The following NISCH variants were observed in gnomAD, a reference collection of about 807,000 sequenced individuals.
The protein encoded by NISCH is nischarin, also known as I-1 receptor candidate protein.
In NISCH, 55 loss-of-function variants were observed where a neutral mutation model predicts 138.4. That is an observed-to-expected ratio of 0.40 (90% confidence interval 0.32 to 0.50). The LOEUF (loss-of-function observed/expected upper bound fraction) is 0.50, where lower values mean the gene tolerates loss of function less well. Ranked by LOEUF, NISCH falls within the 20% of genes least tolerant of loss-of-function variation. The pLI, the probability that NISCH is intolerant of heterozygous loss-of-function variation, is 0.71. For synonymous variants in NISCH, 860 were observed against 861.5 expected (o/e 1.00, Z 0.03); for missense variants, 1,643 against 2,005.5 (o/e 0.82, Z 3.45).
chr3:52,484,560 A>G lies in NISCH; in HGVS notation c.1576A>G (p.Thr526Ala), dbSNP rs1293609013. The change falls in exon 14 of 21, where the codon ACT (threonine) becomes GCT (alanine). Residue 526 changes from threonine to alanine, a missense_variant. Thr to Ala is a moderately conservative substitution (Grantham distance 58, BLOSUM62 0). Coordinates refer to ENST00000345716, the MANE Select transcript of NISCH (RefSeq NM_007184.4). ...GGCCCTGGCCAGCAGCCTCTCGTCC[A>G]CTGACAGTCTGACTCCCGAGCACCA... ...EEALASSLSS[T>A]DSLTPEHQPI... The G allele has an allele frequency of 6.2e-7, 1 of 1,606,126 alleles. No individual in the cohort carries two copies. The highest frequency in any genetic ancestry group is 1.7e-5 in the Admixed American group (1 of 58,884).
chr3:52,489,829 G>A, intron 17 of NISCH, 151 bp downstream of exon 17: 2 of 1,374,786 alleles, frequency 1.5e-6, no homozygotes, highest in Non-Finnish European at 1.9e-6. Context: ...TGGGCAGTGA[G>A]GTCCTGAGTT....
At chr3:52,484,462 T>TGGGGGCCCCCC in intron 13 of NISCH, 51 bp from the exon 14 acceptor site, 7 of 788,668 alleles carry the variant, frequency 8.9e-6, no homozygotes, top group Non-Finnish European at 1.3e-5. Flanking sequence ...ACAGCCGCTC[T>TGGGGGCCCCCC]CCCCGCCCCA....
intron 3 of NISCH, among the ~76,000 whole-genome samples, chr3:52,461,467 C>A (rs564502247): frequency 1.3e-5 from 2 of 152,094 alleles, no homozygotes; most frequent in Non-Finnish European, 2.9e-5. Flanking sequence ...TAGCAACATA[C>A]CCTTTCGTAA....
chr3:52,492,609 T>C lies in NISCH; in HGVS notation c.*127T>C. 2 of 1,154,926 alleles carry C rather than the reference T, an allele frequency of 1.7e-6. No individual in the cohort carries two copies. The highest frequency in any genetic ancestry group is 2.4e-6 in the Non-Finnish European group (2 of 843,990). The allele number at this position is 1,154,926 out of a possible 1,614,324, so 71.5% of individuals were successfully genotyped here. A position where few individuals can be genotyped will look rare whatever the true frequency, so the allele number is the denominator to read the frequency against. On this transcript the variant is annotated 3_prime_UTR_variant, in exon 21 of 21. Coordinates refer to ENST00000345716, the MANE Select transcript of NISCH (RefSeq NM_007184.4). ...TTAATTTGACTGTCCTCGCAGAGAA[T>C]GTGAACATGTGTGTGTGTTGTGTTA...
intron 3 of NISCH, 107 bp downstream of exon 3, chr3:52,458,951 C>T: frequency 1.1e-6 from 1 of 948,978 alleles, no homozygotes; most frequent in Non-Finnish European, 1.6e-6. Context: ...GGGGTTTGAC[C>T]CTAGGTTAGA....
At position 52,486,148 on chromosome 3, in the gene NISCH, C is replaced by T. The variant is rs1013311203; in HGVS notation, c.1703+321C>T. Among the ~76,000 whole-genome samples, 7 of 152,150 alleles carry T rather than the reference C, an allele frequency of 4.6e-5. No individual in the cohort carries two copies. In the East Asian group the frequency reaches 5.8e-4, roughly 13 times the overall value. On this transcript the variant is annotated intron_variant, in intron 15 of 20. Coordinates refer to ENST00000345716, the MANE Select transcript of NISCH (RefSeq NM_007184.4). ...TTTTTGAGACTGAGTCTCGCTCTGTCGCCCAGGCTGGAGTGCAGTGGCGTG... is the reference window on the plus strand; with the variant it reads ...TTTTTGAGACTGAGTCTCGCTCTGTTGCCCAGGCTGGAGTGCAGTGGCGTG...
At chr3:52,475,278 C>T (rs1488132350) in intron 7 of NISCH, among the ~76,000 whole-genome samples, 1 of 152,128 alleles carries the variant, frequency 6.6e-6, no homozygotes, top group African/African-American at 2.4e-5. Flanking sequence ...GGTCCCTCTC[C>T]GAGCACTTCT....
In NISCH at chr3:52,488,386, C is replaced by T; in HGVS notation, c.2894C>T (p.Ala965Val). The stretch of plus-strand genomic sequence containing the variant: ...CGCAGCTGTACCCAGCCTCGGGGCG[C>T]CTTTGCTGATGGCCACGTGCTAGAG... The part of the protein sequence containing the change: ...PTRSCTQPRG[A>V]FADGHVLELL... Residue 965 changes from alanine to valine, a missense_variant, in exon 16 of 21, where the codon GCC becomes GTC. Coordinates refer to ENST00000345716, the MANE Select transcript of NISCH (RefSeq NM_007184.4). The T allele has an allele frequency of 6.2e-7, 1 of 1,613,870 alleles. No individual in the cohort carries two copies. Among genetic ancestry groups the T allele is most frequent in the Non-Finnish European group, 8.5e-7 (1 of 1,180,010 alleles).
intron 18 of NISCH, 123 bp from the exon 19 acceptor site, chr3:52,490,580 TGG>T: frequency 7.5e-7 from 1 of 1,336,484 alleles, no homozygotes; most frequent in Non-Finnish European, 1.0e-6. Flanking sequence ...GCATTGCCTA[TGG>T]GGCTTTGCAC....
intron 3 of NISCH, among the ~76,000 whole-genome samples, chr3:52,464,109 A>C (rs889538810): frequency 5.3e-5 from 8 of 151,870 alleles, no homozygotes; most frequent in African/African-American, 1.9e-4. Context: ...TTTAAAAATC[A>C]GATTGGGCCG....
At position 52,476,590 on chromosome 3, in the gene NISCH, C is replaced by A. The variant is rs377168283; in HGVS notation, c.909C>A (p.Asp303Glu). 10 of 1,614,008 alleles carry A rather than the reference C, an allele frequency of 6.2e-6. No homozygotes were observed. Among genetic ancestry groups the A allele is most frequent in the Non-Finnish European group, 8.5e-6 (10 of 1,180,006 alleles). ...DLSHNSVSEI[D>E]ESVKLIPKIE... ...GCCACAACAGCGTCTCCGAGATCGA[C>A]GAGTCTGTGGTATGCTCTCAGCAGC... Residue 303 changes from aspartate to glutamate, a missense_variant, in exon 8 of 21, where the codon GAC (aspartate) becomes GAA (glutamate). By Grantham distance (45) the Asp-to-Glu change is conservative. Coordinates refer to ENST00000345716, the MANE Select transcript of NISCH (RefSeq NM_007184.4).
rs1265184057 is a variant in NISCH, at chr3:52,478,510, A to C, written c.1235A>C (p.Asn412Thr). The change falls in exon 11 of 21, where the codon AAC (asparagine) becomes ACC (threonine). Residue 412 changes from asparagine (N) to threonine (T), a missense_variant. Physicochemically the swap from Asn to Thr is moderately conservative, Grantham distance 65. Coordinates refer to ENST00000345716, the MANE Select transcript of NISCH (RefSeq NM_007184.4). Reference protein sequence around the residue: ...PCLEHVSLLNNPLSIIPDYRT... With the variant: ...PCLEHVSLLNTPLSIIPDYRT... ...CTGGAGCACGTGTCTCTGCTGAACA[A>C]CCCTCTGAGCATCATCCCCGACTAC... is the stretch of plus-strand genomic sequence containing the variant. 4.3e-6 allele frequency: 7 copies of C among 1,613,930 alleles called. No homozygotes were observed. Among genetic ancestry groups the C allele is most frequent in the Non-Finnish European group, 5.9e-6 (7 of 1,179,998 alleles).
Position 52,488,375 on chromosome 3 carries a change from G to A in NISCH, c.2883G>A (p.Gln961=). 1 of 1,613,762 alleles carries A rather than the reference G, an allele frequency of 6.2e-7. No homozygotes were observed. The highest frequency in any genetic ancestry group is 8.5e-7 in the Non-Finnish European group (1 of 1,180,012). ...VLLDPTRSCT[Q]PRGAFADGHV... ...TGGACCCCACACGCAGCTGTACCCA[G>A]CCTCGGGGCGCCTTTGCTGATGGCC... The change falls in exon 16 of 21, where the codon CAG becomes CAA. Residue 961 remains glutamine, a synonymous_variant. Coordinates refer to ENST00000345716, the MANE Select transcript of NISCH (RefSeq NM_007184.4).
intron 16 of NISCH, 122 bp from the exon 17 acceptor site, chr3:52,489,213 GA>G: frequency 8.4e-7 from 1 of 1,189,940 alleles, no homozygotes; most frequent in Non-Finnish European, 1.2e-6. Context: ...GAAGCTGGTG[GA>G]AGTCCCCAGT....
chr3:52,477,935 T>A, intron 9 of NISCH, 162 bp from the exon 10 acceptor site: 2 of 765,826 alleles, frequency 2.6e-6, no homozygotes. Flanking sequence ...TGCTGTGGCA[T>A]GTGCGGCAGA....
chr3:52,478,631 G>C, intron 11 of NISCH, 54 bp downstream of exon 11: 1 of 1,526,652 alleles, frequency 6.6e-7, no homozygotes. Context: ...ATGCAGTCAA[G>C]TCTGCATGGG....
intron 7 of NISCH, among the ~76,000 whole-genome samples, chr3:52,474,755 A>G (rs984017754): frequency 7.2e-5 from 11 of 152,156 alleles, no homozygotes; most frequent in Non-Finnish European, 1.5e-4. Flanking sequence ...TAATGAACAA[A>G]TTGCTAAGCT....
rs1707482490 is a variant in NISCH at position 52,488,741 on chromosome 3, CG to C, written c.3113+139del. ...CTCCCCCCCTGCCCCTCGCCCCCCC[CG>C]GGCCTCCCTCTACATCACCACCCCA... On this transcript the variant is annotated intron_variant, in intron 16 of 20. Transcript: ENST00000345716. 4.1e-6 allele frequency: 3 copies of C among 725,946 alleles called. No individual in the cohort carries two copies. The South Asian group carries it at 5.6e-5, about 14-fold the overall frequency. 45.0% of individuals were successfully genotyped at this position (725,946 alleles called of 1,614,324 possible).
chr3:52,488,623 T>G lies in NISCH; in HGVS notation c.3113+18T>G. On this transcript the variant is annotated intron_variant, in intron 16 of 20. Coordinates refer to ENST00000345716, the MANE Select transcript of NISCH (RefSeq NM_007184.4). ...AGGGCCAGGTGAGATCAAGCACAGC[T>G]CTCAGGGGCCCCGGGGGCATGGGTC... 6.3e-7 allele frequency: 1 copy of G among 1,589,322 alleles called. No individual in the cohort carries two copies. Among genetic ancestry groups the G allele is most frequent in the Non-Finnish European group, 8.6e-7 (1 of 1,165,032 alleles).
Sources: allele counts gnomAD v4.1 joint callset (sites outside exome capture counted in the v4.1 genomes callset), GRCh38; gene constraint gnomAD v4.1.1; transcripts MANE v1.5; gene names NCBI Gene and HGNC (gene_info 2026-07-23, HGNC 2026-07-21).